Variants in TSHR observed in about 807,000 individuals in gnomAD.
The protein encoded by TSHR is thyrotropin receptor.
A neutral mutation model predicts 64.1 loss-of-function variants in TSHR; 51 were observed. The ratio of observed to expected loss-of-function variants is 0.80; its 90% CI spans 0.64 to 1.01. The LOEUF is 1.01. Ranked by LOEUF, TSHR falls within the 50% of genes least tolerant of loss-of-function variation. The pLI, the probability that TSHR is intolerant of heterozygous loss-of-function variation, is 0.00. For missense variants in TSHR, 877 were observed against 942.8 expected, an observed-to-expected ratio of 0.93 and a Z score of 0.91; for synonymous variants, 361 against 361.9, an observed-to-expected ratio of 1.00 and a Z score of 0.03.
At chr14:80,978,449 C>A (rs1416042328) in intron 1 of TSHR, among the ~76,000 whole-genome samples, 23 of 152,216 alleles carry the variant, frequency 1.5e-4, no homozygotes, top group Admixed American at 1.3e-3. Context: ...AAGATAACAT[C>A]TGTGAAAGAT....
rs368487366 is a variant in TSHR at position 81,003,477 on chromosome 14, G to A, written c.170+47627G>A. ...CCATTGTAATGTCAGAATGGTGCAC[G>A]CTGTTTTTGTGAAGTGACATCTTTC... On this transcript the variant is annotated intron_variant, in intron 1 of 9. Transcript: ENST00000298171. The A allele has an allele frequency of 4.2e-5, 9 of 213,228 alleles. No homozygotes were observed. The East Asian group carries it at 5.6e-4, about 13-fold the overall frequency. The allele number at this position is 213,228 out of a possible 1,614,324, so 13.2% of individuals were successfully genotyped here. A position where few individuals can be genotyped will look rare whatever the true frequency, so the allele number is the denominator to read the frequency against.
chr14:80,972,764 C>A (rs1887646409), intron 1 of TSHR, among the ~76,000 whole-genome samples: 1 of 152,142 alleles, frequency 6.6e-6, no homozygotes. Context: ...GCAGTCATTC[C>A]CCATTCCCCA....
chr14:81,085,768 GT>G (rs1292541699), intron 3 of TSHR, among the ~76,000 whole-genome samples: 8 of 152,102 alleles, frequency 5.3e-5, no homozygotes, highest in South Asian at 2.1e-4. Flanking sequence ...CCTGCATCTA[GT>G]TTACATCTGT....
intron 4 of TSHR, among the ~76,000 whole-genome samples, 153 bp downstream of exon 4, chr14:81,088,181 T>G (rs888272371): frequency 3.9e-5 from 6 of 152,266 alleles, no homozygotes; most frequent in African/African-American, 1.4e-4. Context: ...GGTGAAATGA[T>G]CCACATTTTT....
At chr14:80,971,506 G>A (rs1050988049) in intron 1 of TSHR, among the ~76,000 whole-genome samples, 1 of 152,228 alleles carries the variant, frequency 6.6e-6, no homozygotes, top group Admixed American at 6.5e-5. Flanking sequence ...GTGCTGATGT[G>A]TTCCAGTGAA....
chr14:81,104,995 A>G (rs1889804350), intron 7 of TSHR: 1 of 985,288 alleles, frequency 1.0e-6, no homozygotes, highest in Non-Finnish European at 1.2e-6. Context: ...CTGACTTTCA[A>G]AAAGTATTTC....
At chr14:80,957,528 A>G (rs1261959791) in intron 1 of TSHR, among the ~76,000 whole-genome samples, 1 of 152,074 alleles carries the variant, frequency 6.6e-6, no homozygotes, top group Non-Finnish European at 1.5e-5. Flanking sequence ...CTGAATGTCC[A>G]CTCTATGTTG....
At chr14:80,959,490 G>A (rs1594889511) in intron 1 of TSHR, 1 of 152,154 alleles carries the variant, frequency 6.6e-6, no homozygotes, top group Non-Finnish European at 1.5e-5. Flanking sequence ...CTCTGAATAA[G>A]GAGGTAGAAA....
chr14:81,133,557 C>A (rs1010590202), intron 8 of TSHR, among the ~76,000 whole-genome samples: 3 of 152,162 alleles, frequency 2.0e-5, no homozygotes, highest in Admixed American at 6.5e-5. Context: ...CAGCCAAGTA[C>A]CTCCCCACTA....
chr14:81,070,166 GAAAGAATGAGA>G (rs1595047135), intron 3 of TSHR, among the ~76,000 whole-genome samples: 1 of 151,972 alleles, frequency 6.6e-6, no homozygotes, highest in Non-Finnish European at 1.5e-5. Flanking sequence ...AGAAAAGAGA[GAAAGAATGAGA>G]AAAGCAATAT....
In TSHR at chr14:80,999,705, C is replaced by T. The variant is rs75706759; in HGVS notation, c.170+43855C>T. On this transcript the variant is annotated intron_variant, in intron 1 of 9. Coordinates refer to ENST00000298171, the MANE Select transcript of TSHR (RefSeq NM_000369.5). ...AAAATGCCCAATGAAGTCATATTGA[C>T]TCTAAAATCAAGCTCTGGATGTGAA... is the stretch of plus-strand genomic sequence containing the variant. Among the ~76,000 whole-genome samples, 872 of 152,216 alleles carry T rather than the reference C, an allele frequency of 5.7e-3. 7 individuals are homozygous for T. The highest frequency in any genetic ancestry group is 8.8e-3 in the Non-Finnish European group (601 of 68,016).
At chr14:81,074,764 AT>A (rs1887373616) in intron 3 of TSHR, among the ~76,000 whole-genome samples, 1 of 150,810 alleles carries the variant, frequency 6.6e-6, no homozygotes, top group Admixed American at 6.6e-5. Context: ...ATGTTATTCC[AT>A]TTCATAAGTG....
intron 1 of TSHR, among the ~76,000 whole-genome samples, chr14:80,967,764 A>G (rs1018551301): frequency 2.0e-5 from 3 of 152,156 alleles, no homozygotes; most frequent in Non-Finnish European, 4.4e-5. Flanking sequence ...TGAGTAAAAG[A>G]GAGGAGTCAG....
At chr14:80,998,792 T>C (rs1889154363) in intron 1 of TSHR, among the ~76,000 whole-genome samples, 1 of 152,150 alleles carries the variant, frequency 6.6e-6, no homozygotes, top group Non-Finnish European at 1.5e-5. Context: ...TTCTGCTTTC[T>C]TTTCCTCTTC....
chr14:81,010,554 T>C (rs1187976044), intron 1 of TSHR, among the ~76,000 whole-genome samples: 1 of 152,164 alleles, frequency 6.6e-6, no homozygotes, highest in Admixed American at 6.5e-5. Flanking sequence ...ATGAGCACTA[T>C]GGATGGTTGT....
intron 8 of TSHR, among the ~76,000 whole-genome samples, chr14:81,128,210 T>C (rs1313364387): frequency 6.6e-6 from 1 of 152,218 alleles, no homozygotes; most frequent in African/African-American, 2.4e-5. Context: ...ATAAGTCATT[T>C]TTGAGCATTA....
intron 1 of TSHR, among the ~76,000 whole-genome samples, chr14:81,055,538 A>G (rs1595012628): frequency 6.6e-6 from 1 of 152,202 alleles, no homozygotes; most frequent in East Asian, 1.9e-4. Flanking sequence ...AGCAGCTGAG[A>G]GGGAGGCTGT....
At chr14:81,027,849 ATAAC>A (rs1287945317) in intron 1 of TSHR, among the ~76,000 whole-genome samples, 2 of 152,172 alleles carry the variant, frequency 1.3e-5, no homozygotes, top group Admixed American at 6.5e-5. Flanking sequence ...TAAAAATAAT[ATAAC>A]TAACAAAAAT....
At chr14:80,995,796 A>G (rs551094610) in intron 1 of TSHR, 2 of 151,868 alleles carry the variant, frequency 1.3e-5, no homozygotes, top group East Asian at 1.9e-4. Flanking sequence ...TTACCTGTGT[A>G]ACAAACCTGC....
Sources: gnomAD v4.1 joint callset for allele counts (sites outside exome capture counted in the v4.1 genomes callset) on GRCh38, gnomAD v4.1.1 for gene constraint, MANE v1.5 for transcripts, NCBI Gene and HGNC (gene_info 2026-07-23, HGNC 2026-07-21) for gene names.